Variants in CERS6 observed in about 807,000 individuals in gnomAD.
CERS6 encodes the protein ceramide synthase 6, also known as LAG1 homolog, ceramide synthase 6.
Under a neutral mutation model 56.8 loss-of-function variants are expected in CERS6, and 26 were observed. The ratio of observed to expected loss-of-function variants is 0.46; its 90% CI spans 0.34 to 0.63. CERS6 has a LOEUF of 0.63. CERS6 is among the 30% of genes least tolerant of loss of function. The probability of loss-of-function intolerance (pLI) is 0.01; values close to 1 mark genes in which losing one functional copy is unlikely to be tolerated. For synonymous variants in CERS6, 164 were observed against 173.3 expected (o/e 0.95, Z 0.42); for missense variants, 415 against 467.5 (o/e 0.89, Z 1.04).
At chr2:168,661,957 G>C (rs949277098) in intron 4 of CERS6, among the ~76,000 whole-genome samples, 1 of 152,192 alleles carries the variant, frequency 6.6e-6, no homozygotes, top group Non-Finnish European at 1.5e-5. Flanking sequence ...AAAGATTTAT[G>C]AAAGTAGATT....
intron 4 of CERS6, among the ~76,000 whole-genome samples, chr2:168,673,075 G>A (rs960907789): frequency 6.6e-6 from 1 of 152,178 alleles, no homozygotes; most frequent in African/African-American, 2.4e-5. Flanking sequence ...ACCAAATTAA[G>A]ATTTCATTCT....
At chr2:168,649,840 GAGT>G (rs1685300589) in intron 4 of CERS6, among the ~76,000 whole-genome samples, 1 of 151,876 alleles carries the variant, frequency 6.6e-6, no homozygotes, top group Non-Finnish European at 1.5e-5. Flanking sequence ...GGACTCTGAA[GAGT>G]CTGTGACTGT....
intron 8 of CERS6, among the ~76,000 whole-genome samples, chr2:168,741,583 A>G (rs1683907764): frequency 6.6e-6 from 1 of 152,206 alleles, no homozygotes; most frequent in Admixed American, 6.5e-5. Flanking sequence ...GGCTGCATTC[A>G]AAGCAGCCCG....
At chr2:168,573,976 G>A (rs1011931328) in intron 3 of CERS6, among the ~76,000 whole-genome samples, 2 of 152,132 alleles carry the variant, frequency 1.3e-5, no homozygotes, top group African/African-American at 4.8e-5. Context: ...TAGTTGATAG[G>A]TCCAAACAGA....
Position 168,456,836 on chromosome 2 carries a change from G to A in CERS6, c.170+218G>A, listed in dbSNP as rs2105312574. ...CACGGATTTCCTCCCGGGCGCCGGGGAGGAGCCGCGGAGCGTTAGGGTCGC... is the reference window on the plus strand; with the variant it reads ...CACGGATTTCCTCCCGGGCGCCGGGAAGGAGCCGCGGAGCGTTAGGGTCGC... On this transcript the variant is annotated intron_variant, in intron 1 of 9. Transcript: ENST00000305747. The surrounding 1 kb of genome is among the most constrained non-coding windows in gnomAD (Gnocchi z 4.1). 6.6e-6 allele frequency among the ~76,000 whole-genome samples: 1 copy of A among 152,322 alleles called. No homozygotes were observed. Among genetic ancestry groups the A allele is most frequent in the East Asian group, 1.9e-4 (1 of 5,164 alleles).
At position 168,769,590 on chromosome 2, in the gene CERS6, T is replaced by C. The variant is rs747811536; in HGVS notation, c.1083T>C (p.Thr361=). The change falls in exon 10 of 10, where the codon ACT becomes ACC. Residue 361 remains threonine (T), a synonymous_variant. Transcript: ENST00000305747. ...DSEPPGKNPH[T]ATTTNGTSGT... is the part of the protein sequence containing the mutation. ...AACCTCCGGGAAAGAATCCCCACACTGCGACAACCACCAATGGGACCAGTG... is the reference window on the plus strand; with the variant it reads ...AACCTCCGGGAAAGAATCCCCACACCGCGACAACCACCAATGGGACCAGTG... 17 of 1,612,594 alleles carry C rather than the reference T, an allele frequency of 1.1e-5. 1 individual carries two copies. Among genetic ancestry groups the C allele is most frequent in the East Asian group, 4.5e-5 (2 of 44,820 alleles).
intron 4 of CERS6, among the ~76,000 whole-genome samples, chr2:168,645,255 C>T (rs887904911): frequency 4.3e-5 from 6 of 140,190 alleles, no homozygotes; most frequent in Non-Finnish European, 9.1e-5. Flanking sequence ...GTTCTCCCTC[C>T]ATCCCACCTT....
intron 4 of CERS6, among the ~76,000 whole-genome samples, chr2:168,641,967 A>T (rs1426826636): frequency 6.6e-6 from 1 of 152,052 alleles, no homozygotes; most frequent in Admixed American, 6.5e-5. Context: ...AACTTTAATG[A>T]CTAAAATCAA....
chr2:168,648,323 A>G (rs551617422), intron 4 of CERS6, among the ~76,000 whole-genome samples: 14 of 152,138 alleles, frequency 9.2e-5, no homozygotes, highest in South Asian at 8.3e-4. Context: ...TGTTCCTAGT[A>G]GTTTCTGATG....
At position 168,456,665 on chromosome 2, in the gene CERS6, C is replaced by G; in HGVS notation, c.170+47C>G. The stretch of plus-strand genomic sequence containing the variant: ...CCTCCCCTCCCCCTGCGCACACACA[C>G]GCGCGCACACACTCGCGCGCTCTCT... On this transcript the variant is annotated intron_variant, in intron 1 of 9. Coordinates refer to ENST00000305747, the MANE Select transcript of CERS6 (RefSeq NM_203463.3). The surrounding 1 kb of genome is among the most constrained non-coding windows in gnomAD (Gnocchi z 4.1). 1.9e-6 allele frequency: 3 copies of G among 1,568,016 alleles called. No homozygotes were observed. Among genetic ancestry groups the G allele is most frequent in the Non-Finnish European group, 2.6e-6 (3 of 1,148,306 alleles).
At chr2:168,485,979 C>G (rs1694268259) in intron 1 of CERS6, among the ~76,000 whole-genome samples, 1 of 152,168 alleles carries the variant, frequency 6.6e-6, no homozygotes, top group Non-Finnish European at 1.5e-5. Flanking sequence ...TTTCCACCAA[C>G]AGTGCATGAG....
chr2:168,637,581 C>CATAT (rs1353738522), intron 4 of CERS6, among the ~76,000 whole-genome samples: 2 of 152,090 alleles, frequency 1.3e-5, no homozygotes, highest in African/African-American at 4.8e-5. Context: ...GATGGATATT[C>CATAT]ACTAAATGTA....
At chr2:168,639,159 T>A (rs1336609735) in intron 4 of CERS6, among the ~76,000 whole-genome samples, 2 of 152,202 alleles carry the variant, frequency 1.3e-5, no homozygotes, top group Non-Finnish European at 2.9e-5. Flanking sequence ...GAGTTGAACT[T>A]GACTATGAAA....
intron 8 of CERS6, among the ~76,000 whole-genome samples, chr2:168,749,371 G>C (rs949630793): frequency 6.6e-6 from 1 of 152,148 alleles, no homozygotes; most frequent in Non-Finnish European, 1.5e-5. Flanking sequence ...TGAGAAATGC[G>C]CAAGCCCATC....
At chr2:168,471,508 T>G (rs1037925349) in intron 1 of CERS6, among the ~76,000 whole-genome samples, 4 of 152,040 alleles carry the variant, frequency 2.6e-5, no homozygotes, top group Non-Finnish European at 5.9e-5. Flanking sequence ...GTTTTTCTGA[T>G]TTCTAAAAAG....
At chr2:168,645,136 TATATATAGAGAG>T (rs1239646782) in intron 4 of CERS6, among the ~76,000 whole-genome samples, 158 of 35,474 alleles carry the variant, frequency 4.5e-3, no homozygotes, top group Middle Eastern at 0.011. Flanking sequence ...TATATATATA[TATATATAGAGAG>T]AGAGAGAGAG....
intron 9 of CERS6, among the ~76,000 whole-genome samples, chr2:168,768,145 T>A (rs547672456): frequency 1.3e-5 from 2 of 152,326 alleles, no homozygotes; most frequent in East Asian, 3.9e-4. Flanking sequence ...TCTTCTCACC[T>A]TATTTTGACC....
chr2:168,541,185 G>A (rs1438306864), intron 1 of CERS6, among the ~76,000 whole-genome samples: 4 of 152,098 alleles, frequency 2.6e-5, no homozygotes, highest in South Asian at 2.1e-4. Context: ...GAGGGACAGC[G>A]TCAATCCATT....
At chr2:168,720,180 T>TCGGC (rs1399738341) in intron 8 of CERS6, among the ~76,000 whole-genome samples, 1 of 151,816 alleles carries the variant, frequency 6.6e-6, no homozygotes, top group African/African-American at 2.4e-5. Flanking sequence ...TCCACCCGCC[T>TCGGC]CGGCCTCCCA....
Sources: allele counts gnomAD v4.1 joint callset (sites outside exome capture counted in the v4.1 genomes callset), GRCh38; gene constraint gnomAD v4.1.1; non-coding constraint Gnocchi (gnomAD v3.1); transcripts MANE v1.5; gene names NCBI Gene and HGNC (gene_info 2026-07-23, HGNC 2026-07-21).